CMIP: variants seen among roughly 807,000 people sequenced by gnomAD.
CMIP encodes c-Maf inducing protein.
CMIP carries 13 observed loss-of-function variants against 97.3 expected under a neutral mutation model. The observed-to-expected ratio is 0.13, with a 90% CI of 0.09 to 0.21. CMIP has a LOEUF of 0.21. Among genes scored for constraint, CMIP ranks in the 10% least tolerant of loss-of-function variants. The probability of loss-of-function intolerance (pLI) is 1.00; values close to 1 mark genes in which losing one functional copy is unlikely to be tolerated. For missense variants in CMIP, 847 were observed against 1,024.9 expected, an observed-to-expected ratio of 0.83 and a Z score of 2.37; for synonymous variants, 538 against 436.3, an observed-to-expected ratio of 1.23 and a Z score of -2.91.
At chr16:81,594,014 C>T (rs2091507800) in intron 1 of CMIP, among the ~76,000 whole-genome samples, 1 of 95,298 alleles carries the variant, frequency 1.0e-5, no homozygotes, top group Non-Finnish European at 2.1e-5. Context: ...TCCTCCTCTT[C>T]CTCCCCCCCT....
At chr16:81,660,310 G>C (rs2092530772) in intron 5 of CMIP, among the ~76,000 whole-genome samples, 2 of 149,820 alleles carry the variant, frequency 1.3e-5, no homozygotes, top group African/African-American at 4.9e-5. Flanking sequence ...GTCTCACTCT[G>C]TCACCCAGGC....
At chr16:81,563,383 G>A (rs554185077) in intron 1 of CMIP, among the ~76,000 whole-genome samples, 286 of 152,320 alleles carry the variant, frequency 1.9e-3, no homozygotes, top group Non-Finnish European at 3.0e-3. Context: ...AACTCTGCGC[G>A]CTGCTGCGGT....
At chr16:81,486,250 A>G (rs1463109877) in intron 1 of CMIP, among the ~76,000 whole-genome samples, 2 of 152,200 alleles carry the variant, frequency 1.3e-5, no homozygotes, top group Non-Finnish European at 2.9e-5. Context: ...TGGCTGTGAG[A>G]TCTGGAGTTG....
At chr16:81,452,885 G>GTTTTTTTTTTTTTTTTTT (rs558606255) in intron 1 of CMIP, among the ~76,000 whole-genome samples, 6 of 129,240 alleles carry the variant, frequency 4.6e-5, no homozygotes, top group Admixed American at 1.6e-4. Context: ...TTTTTGTTTT[G>GTTTTTTTTTTTTTTTTTT]TTTTTTTTTT....
intron 1 of CMIP, among the ~76,000 whole-genome samples, chr16:81,447,145 G>T (rs956334391): frequency 6.6e-6 from 1 of 152,104 alleles, no homozygotes; most frequent in African/African-American, 2.4e-5. Context: ...ATGTGGGGAG[G>T]AACTGGTGAC....
intron 1 of CMIP, chr16:81,603,571 A>G (rs940220194): frequency 4.8e-6 from 2 of 412,748 alleles, no homozygotes; most frequent in Non-Finnish European, 9.7e-6. Context: ...TCCACATTTT[A>G]TTAGGTTTCT....
chr16:81,701,951 A>G (rs920155662), intron 16 of CMIP, among the ~76,000 whole-genome samples, 151 bp downstream of exon 16: 14 of 152,160 alleles, frequency 9.2e-5, no homozygotes, highest in African/African-American at 3.4e-4. Context: ...ACCACCTGCC[A>G]CTTTTCAGGT....
chr16:81,619,282 C>T (rs1036544832), intron 2 of CMIP: 1 of 152,208 alleles, frequency 6.6e-6, no homozygotes, highest in East Asian at 1.9e-4. Flanking sequence ...AGCTCACTCA[C>T]CAGAGCCTGA....
rs62046593 is a variant in CMIP, at chr16:81,526,008, C to G, written c.300+80467C>G. On this transcript the variant is annotated intron_variant, in intron 1 of 20. Transcript: ENST00000537098. The stretch of plus-strand genomic sequence containing the variant: ...TGTGTGTGTGTGTGTGTGTGTGTGT[C>G]TGTGTGTGTGTGTGTGTTCGTCCAT... Among the ~76,000 whole-genome samples the G allele has an allele frequency of 1.0e-3, 153 of 148,184 alleles. No homozygotes were observed. The East Asian group carries it at 0.013, about 13-fold the overall frequency.
intron 20 of CMIP, among the ~76,000 whole-genome samples, chr16:81,709,017 G>A (rs1206685725): frequency 6.6e-6 from 1 of 152,214 alleles, no homozygotes. Flanking sequence ...CTACCTCTCT[G>A]TATAGTGGAG....
chr16:81,629,636 C>G (rs953420921), intron 3 of CMIP, among the ~76,000 whole-genome samples: 19 of 152,246 alleles, frequency 1.2e-4, no homozygotes, highest in African/African-American at 4.6e-4. Context: ...TTGCAGTTCT[C>G]CTCCGAGGCT....
chr16:81,602,141 G>T (rs1461366868), intron 1 of CMIP, among the ~76,000 whole-genome samples: 2 of 152,150 alleles, frequency 1.3e-5, no homozygotes, highest in East Asian at 1.9e-4. Context: ...TGAGGGAGGG[G>T]GTGAGAGCAG....
chr16:81,570,925 AT>A (rs1347573697), intron 1 of CMIP, among the ~76,000 whole-genome samples: 1 of 152,174 alleles, frequency 6.6e-6, no homozygotes, highest in Non-Finnish European at 1.5e-5. Flanking sequence ...ACACGTGATG[AT>A]GAAATGTCCC....
intron 1 of CMIP, among the ~76,000 whole-genome samples, chr16:81,531,493 T>C (rs2090234663): frequency 6.6e-6 from 1 of 152,236 alleles, no homozygotes; most frequent in African/African-American, 2.4e-5. Context: ...GTCTCGATTC[T>C]ACGACCCTAC....
intron 15 of CMIP, 120 bp downstream of exon 15, chr16:81,699,921 T>G (rs979356662): frequency 2.7e-5 from 18 of 661,780 alleles, no homozygotes; most frequent in Non-Finnish European, 4.3e-5. Flanking sequence ...GGGTGAGGCG[T>G]GCAGTCCCAG....
At chr16:81,608,989 C>G (rs928109334) in intron 2 of CMIP, among the ~76,000 whole-genome samples, 16 of 152,168 alleles carry the variant, frequency 1.1e-4, no homozygotes, top group East Asian at 5.8e-4. Context: ...AGTCTGGGCT[C>G]CAAGGAATGC....
At chr16:81,654,507 T>C (rs945130574) in intron 4 of CMIP, among the ~76,000 whole-genome samples, 3 of 152,224 alleles carry the variant, frequency 2.0e-5, no homozygotes, top group Non-Finnish European at 4.4e-5. Context: ...GCTTTGAAGC[T>C]ACTGTGTCAG....
chr16:81,638,100 C>A (rs940564041), intron 3 of CMIP, among the ~76,000 whole-genome samples: 4 of 152,220 alleles, frequency 2.6e-5, no homozygotes, highest in African/African-American at 4.8e-5. Flanking sequence ...TAGCACTTGG[C>A]TTGTGGCCCC....
intron 1 of CMIP, among the ~76,000 whole-genome samples, chr16:81,578,073 T>C (rs1484109017): frequency 1.3e-5 from 2 of 151,476 alleles, no homozygotes; most frequent in East Asian, 3.9e-4. Flanking sequence ...ATCATCACCA[T>C]CACCTTCATC....
Sources: allele counts gnomAD v4.1 joint callset (sites outside exome capture counted in the v4.1 genomes callset), GRCh38; gene constraint gnomAD v4.1.1; transcripts MANE v1.5; gene names NCBI Gene and HGNC (gene_info 2026-07-23, HGNC 2026-07-21).